Variants in SNTG1 observed in about 807,000 individuals in gnomAD.
SNTG1 encodes the protein gamma-1-syntrophin.
In SNTG1, 39 loss-of-function variants were observed where a neutral mutation model predicts 74.7. That is an observed-to-expected ratio of 0.52 (90% CI 0.40 to 0.68). The LOEUF (loss-of-function observed/expected upper bound fraction) is 0.68. Ranked by LOEUF, SNTG1 falls within the 30% of genes least tolerant of loss-of-function variation. The probability of loss-of-function intolerance (pLI) is 0.00; values close to 1 mark genes in which losing one functional copy is unlikely to be tolerated. For missense variants in SNTG1, 685 were observed against 609.5 expected (o/e 1.12, Z -1.30); for synonymous variants, 254 against 217.1 (o/e 1.17, Z -1.49).
intron 1 of SNTG1, among the ~76,000 whole-genome samples, chr8:49,944,791 GAAA>G (rs112235757): frequency 1.5e-5 from 2 of 129,126 alleles, no homozygotes; most frequent in African/African-American, 2.7e-5. Flanking sequence ...TCACCTGCAA[GAAA>G]AAAAAAAAAA....
At chr8:50,387,455 C>T (rs567607483) in intron 2 of SNTG1, among the ~76,000 whole-genome samples, 12 of 152,072 alleles carry the variant, frequency 7.9e-5, no homozygotes, top group Non-Finnish European at 1.6e-4. Flanking sequence ...TGCAGTGTAC[C>T]AAGGCGATCC....
chr8:50,111,717 G>C (rs139508540), intron 1 of SNTG1, among the ~76,000 whole-genome samples: 1 of 152,106 alleles, frequency 6.6e-6, no homozygotes. Flanking sequence ...AAGGCCCAGT[G>C]GAGGGCATAT....
rs149583349 is a variant in SNTG1 at position 50,021,314 on chromosome 8, T to C, written c.-103+109083T>C. ...ACCTTTATTTGAATCCTGTCAATTTTACTCTTGTTTGTTTTGCTGTCTGTT... is the reference window on the plus strand; with the variant it reads ...ACCTTTATTTGAATCCTGTCAATTTCACTCTTGTTTGTTTTGCTGTCTGTT... On this transcript the variant is annotated intron_variant, in intron 1 of 18. Transcript: ENST00000642720. 4.2e-3 allele frequency among the ~76,000 whole-genome samples: 642 copies of C among 152,324 alleles called. 20 individuals carry two copies. Among genetic ancestry groups the C allele is most frequent in the Admixed American group, 0.037 (562 of 15,286 alleles).
chr8:50,280,089 A>G (rs951870545), intron 2 of SNTG1, among the ~76,000 whole-genome samples: 1 of 152,188 alleles, frequency 6.6e-6, no homozygotes, highest in Non-Finnish European at 1.5e-5. Context: ...CTAAAGAGAC[A>G]TATTTGGGGT....
chr8:50,735,332 A>G (rs570335850), intron 17 of SNTG1, among the ~76,000 whole-genome samples: 1 of 151,974 alleles, frequency 6.6e-6, no homozygotes, highest in East Asian at 1.9e-4. Flanking sequence ...TCCAATCTAA[A>G]GGAGCATGTT....
chr8:50,245,344 A>G (rs190286421), intron 2 of SNTG1, among the ~76,000 whole-genome samples: 33 of 152,272 alleles, frequency 2.2e-4, no homozygotes, highest in African/African-American at 7.5e-4. Flanking sequence ...TGATAGTTAA[A>G]TAAGTAGCAG....
intron 15 of SNTG1, among the ~76,000 whole-genome samples, chr8:50,693,107 G>C (rs990792098): frequency 6.6e-6 from 1 of 152,116 alleles, no homozygotes; most frequent in Admixed American, 6.5e-5. Context: ...TTGGAAAAGC[G>C]CAGTATTAGG....
intron 1 of SNTG1, among the ~76,000 whole-genome samples, chr8:50,037,131 T>C (rs1818234688): frequency 6.6e-6 from 1 of 152,252 alleles, no homozygotes; most frequent in Non-Finnish European, 1.5e-5. Context: ...AGTCAGTGAA[T>C]TTATTCTCTA....
chr8:50,775,623 T>C (rs2095638675), intron 18 of SNTG1, among the ~76,000 whole-genome samples: 1 of 151,680 alleles, frequency 6.6e-6, no homozygotes, highest in South Asian at 2.1e-4. Flanking sequence ...AATGTTAGTT[T>C]GATCTTGTCA....
At chr8:50,085,051 C>T (rs951196815) in intron 1 of SNTG1, among the ~76,000 whole-genome samples, 3 of 152,182 alleles carry the variant, frequency 2.0e-5, no homozygotes, top group Non-Finnish European at 4.4e-5. Flanking sequence ...AGTTTAAGTG[C>T]ACTCTTAAGT....
chr8:50,668,997 G>A (rs2095264648), intron 15 of SNTG1, among the ~76,000 whole-genome samples: 1 of 151,664 alleles, frequency 6.6e-6, no homozygotes, highest in African/African-American at 2.4e-5. Context: ...CATATACCCA[G>A]TAATAAGATT....
chr8:49,924,919 G>T (rs569112453), intron 1 of SNTG1, among the ~76,000 whole-genome samples: 41 of 152,112 alleles, frequency 2.7e-4, no homozygotes, highest in Non-Finnish European at 2.4e-4. Context: ...AAAGTCTGAG[G>T]CAGGAGGATC....
intron 2 of SNTG1, among the ~76,000 whole-genome samples, chr8:50,303,605 C>A (rs578229220): frequency 6.6e-6 from 1 of 151,914 alleles, no homozygotes; most frequent in Non-Finnish European, 1.5e-5. Context: ...GTATTTGTAG[C>A]ATTTTCAAAT....
At position 50,449,697 on chromosome 8, in the gene SNTG1, C is replaced by T. The variant is rs149195717; in HGVS notation, c.249C>T (p.Val83=). 9 of 1,596,582 alleles carry T rather than the reference C, an allele frequency of 5.6e-6. No individual in the cohort carries two copies. Among genetic ancestry groups the T allele is most frequent in the African/African-American group, 4.0e-5 (3 of 74,484 alleles). Residue 83 remains valine (V), a synonymous_variant, in exon 6 of 19, where the codon GTC becomes GTT. Coordinates refer to ENST00000642720, the MANE Select transcript of SNTG1 (RefSeq NM_018967.5). ...KGGAEHNIPV[V]VSKISKEQRA... ...GAGCAGAACATAACATTCCAGTTGT[C>T]GTTTCAAAAATCTCCAAGGAACAAA...
intron 1 of SNTG1, among the ~76,000 whole-genome samples, chr8:50,058,337 C>T (rs2130919643): frequency 6.6e-6 from 1 of 152,122 alleles, no homozygotes; most frequent in East Asian, 1.9e-4. Flanking sequence ...ATGTAGAAAT[C>T]CCGATCAGTG....
At chr8:50,199,487 G>T (rs760392190) in intron 2 of SNTG1, among the ~76,000 whole-genome samples, 2 of 152,140 alleles carry the variant, frequency 1.3e-5, no homozygotes, top group Non-Finnish European at 2.9e-5. Flanking sequence ...AAAGTGCTGG[G>T]ATTATAAGTG....
chr8:49,971,561 G>A (rs369323997), intron 1 of SNTG1, among the ~76,000 whole-genome samples: 1 of 152,256 alleles, frequency 6.6e-6, no homozygotes, highest in South Asian at 2.1e-4. Flanking sequence ...ATTAGGAAAA[G>A]AGGAAGTCAA....
rs79259800 is a variant in SNTG1, at chr8:50,204,372, T to G, written c.-28+31737T>G. Among the ~76,000 whole-genome samples, 145 of 152,228 alleles carry G rather than the reference T, an allele frequency of 9.5e-4. No homozygotes were observed. In the East Asian group the frequency reaches 0.026, roughly 27 times the overall value. On this transcript the variant is annotated intron_variant, in intron 2 of 18. Transcript: ENST00000642720. ...ATCTGGGCATGAATTATGTTCCAAG[T>G]AGATTATCTTGATCATGATTTTCTG...
chr8:50,611,071 A>G (rs965647051), intron 13 of SNTG1, among the ~76,000 whole-genome samples: 2 of 152,184 alleles, frequency 1.3e-5, no homozygotes, highest in African/African-American at 4.8e-5. Context: ...AAGATTATAT[A>G]TAGTCACGAG....
Sources: allele counts gnomAD v4.1 joint callset (sites outside exome capture counted in the v4.1 genomes callset), GRCh38; gene constraint gnomAD v4.1.1; transcripts MANE v1.5; gene names NCBI Gene and HGNC (gene_info 2026-07-23, HGNC 2026-07-21).